Variants in MAP3K3 observed in about 807,000 individuals in gnomAD.
The protein encoded by MAP3K3 is MAP/ERK kinase kinase 3.
In MAP3K3, 12 loss-of-function variants were observed where a neutral mutation model predicts 80.9. The ratio of observed to expected loss-of-function variants is 0.15; its 90% confidence interval spans 0.10 to 0.24. The LOEUF (loss-of-function observed/expected upper bound fraction) is 0.24. MAP3K3 is among the 10% of genes least tolerant of loss of function. The probability of loss-of-function intolerance (pLI) is 1.00; values close to 1 mark genes in which losing one functional copy is unlikely to be tolerated. For synonymous variants in MAP3K3, 272 were observed against 307.1 expected, an observed-to-expected ratio of 0.89 and a Z score of 1.19; for missense variants, 596 against 834.7, an observed-to-expected ratio of 0.71 and a Z score of 3.52.
chr17:63,670,605 A>AAAAAAAAG (rs1568143244), intron 6 of MAP3K3, among the ~76,000 whole-genome samples: 1 of 133,822 alleles, frequency 7.5e-6, no homozygotes, highest in African/African-American at 2.9e-5. Context: ...AAAAAAAAAA[A>AAAAAAAAG]AAAGAAAGAA....
At chr17:63,635,141 C>A (rs951767104) in intron 2 of MAP3K3, among the ~76,000 whole-genome samples, 1 of 152,168 alleles carries the variant, frequency 6.6e-6, no homozygotes, top group African/African-American at 2.4e-5. Context: ...ATTTAGACAG[C>A]CACATGTGGC....
intron 8 of MAP3K3, among the ~76,000 whole-genome samples, chr17:63,687,582 T>A (rs1438889794): frequency 2.0e-5 from 3 of 150,624 alleles, no homozygotes; most frequent in Non-Finnish European, 4.4e-5. Flanking sequence ...CCCAGCTACT[T>A]GGGAGGCTGA....
chr17:63,656,635 G>C (rs898900667), intron 4 of MAP3K3, among the ~76,000 whole-genome samples: 1 of 152,016 alleles, frequency 6.6e-6, no homozygotes, highest in Non-Finnish European at 1.5e-5. Context: ...AATAAGATCT[G>C]ACATTTGCTA....
intron 5 of MAP3K3, 78 bp from the exon 6 acceptor site, chr17:63,666,862 T>G (rs1485133734): frequency 4.0e-5 from 63 of 1,558,252 alleles, no homozygotes; most frequent in Middle Eastern, 2.1e-4. Context: ...CAGGGAGTCC[T>G]TAGGAAAAGG....
At chr17:63,652,712 C>T in intron 4 of MAP3K3, 56 bp downstream of exon 4, 1 of 1,160,388 alleles carries the variant, frequency 8.6e-7, no homozygotes, top group Non-Finnish European at 1.3e-6. Context: ...TACCTTTTTT[C>T]TCTCTGTTTA....
rs2035615206 is a variant in MAP3K3, at chr17:63,692,587, G to A, written c.1652+168G>A. 6.6e-6 allele frequency among the ~76,000 whole-genome samples: 1 copy of A among 152,180 alleles called. No homozygotes were observed. The highest frequency in any genetic ancestry group is 1.5e-5 in the Non-Finnish European group (1 of 68,038). On this transcript the variant is annotated intron_variant, in intron 15 of 15. Coordinates refer to ENST00000361733, the MANE Select transcript of MAP3K3 (RefSeq NM_002401.5). The surrounding 1 kb of genome is among the most constrained non-coding windows in gnomAD (Gnocchi z 4.5). ...GGTGCAGTAGCACACACACCACATGGGTGGTGCTCAAAGCACACTCCATTA... is the reference window on the plus strand; with the variant it reads ...GGTGCAGTAGCACACACACCACATGAGTGGTGCTCAAAGCACACTCCATTA...
chr17:63,625,253 T>C (rs2034076497), intron 1 of MAP3K3, among the ~76,000 whole-genome samples: 1 of 152,192 alleles, frequency 6.6e-6, no homozygotes, highest in South Asian at 2.1e-4. Flanking sequence ...GAATTTCTAG[T>C]GGAAATTATT....
At position 63,694,007 on chromosome 17, in the gene MAP3K3, C is replaced by T. The variant is rs1456051871; in HGVS notation, c.*230C>T. The T allele has an allele frequency of 2.0e-6, 1 of 508,866 alleles. No homozygotes were observed. The highest frequency in any genetic ancestry group is 3.5e-6 in the Non-Finnish European group (1 of 288,848). The allele number at this position is 508,866 out of a possible 1,614,324, so 31.5% of individuals were successfully genotyped here. A position where few individuals can be genotyped will look rare whatever the true frequency, so the allele number is the denominator to read the frequency against. ...TGTCAGATCCAGGAGCTCCAGTGTCCTGAGCTCAGCGTGGAGGGGTAGGGG... is the reference window on the plus strand; with the variant it reads ...TGTCAGATCCAGGAGCTCCAGTGTCTTGAGCTCAGCGTGGAGGGGTAGGGG... On this transcript the variant is annotated 3_prime_UTR_variant, in exon 16 of 16. Coordinates refer to ENST00000361733, the MANE Select transcript of MAP3K3 (RefSeq NM_002401.5).
intron 3 of MAP3K3, among the ~76,000 whole-genome samples, chr17:63,648,823 A>G (rs2034592093): frequency 6.6e-6 from 1 of 152,144 alleles, no homozygotes; most frequent in Non-Finnish European, 1.5e-5. Context: ...ACACACACAC[A>G]GAAAAAAGAA....
rs1186559977 is a variant in MAP3K3, at chr17:63,688,759, A to G, written c.779-30A>G. 2.6e-6 allele frequency: 4 copies of G among 1,539,468 alleles called. No homozygotes were observed. The African/African-American group carries it at 5.4e-5, about 21-fold the overall frequency. The stretch of plus-strand genomic sequence containing the variant: ...TTAAGTGGCTCACATTGACCTACCC[A>G]GAAGCCAGTGATTCCCCTGTCTTAC... On this transcript the variant is annotated intron_variant, in intron 9 of 15. Transcript: ENST00000361733.
At chr17:63,665,402 T>A (rs1050483376) in intron 5 of MAP3K3, among the ~76,000 whole-genome samples, 1 of 152,046 alleles carries the variant, frequency 6.6e-6, no homozygotes, top group African/African-American at 2.4e-5. Context: ...CCTGACCTCA[T>A]GATCCGCCCG....
At chr17:63,646,004 C>A (rs115334804) in intron 2 of MAP3K3, 30 bp from the exon 3 acceptor site, 4 of 1,606,226 alleles carry the variant, frequency 2.5e-6, no homozygotes, top group Non-Finnish European at 3.4e-6. Context: ...CCAGAGAATT[C>A]TCTAACCTGT....
In MAP3K3 at chr17:63,659,790, C is replaced by T. The variant is rs532716172; in HGVS notation, c.381+1883C>T. Among the ~76,000 whole-genome samples, 29 of 152,122 alleles carry T rather than the reference C, an allele frequency of 1.9e-4. 1 individual carries two copies. In the South Asian group the frequency reaches 5.6e-3, roughly 30 times the overall value. On this transcript the variant is annotated intron_variant, in intron 5 of 15. Transcript: ENST00000361733. ...TTGTGATCCGCCCGCCTTGGCCTCCCAAAGTACTGGGACAGGCATGAGCCA... is the reference window on the plus strand; with the variant it reads ...TTGTGATCCGCCCGCCTTGGCCTCCTAAAGTACTGGGACAGGCATGAGCCA...
chr17:63,655,721 T>C (rs1277084001), intron 4 of MAP3K3, among the ~76,000 whole-genome samples: 1 of 152,088 alleles, frequency 6.6e-6, no homozygotes. Flanking sequence ...CTTAAACTCC[T>C]GGCCTCAAGT....
chr17:63,665,720 C>T (rs911546511), intron 5 of MAP3K3, among the ~76,000 whole-genome samples: 4 of 152,128 alleles, frequency 2.6e-5, no homozygotes, highest in East Asian at 1.9e-4. Context: ...TATTGCACAT[C>T]GGAGGCTTCA....
intron 4 of MAP3K3, among the ~76,000 whole-genome samples, chr17:63,653,984 A>G (rs2143360097): frequency 6.6e-6 from 1 of 152,146 alleles, no homozygotes; most frequent in East Asian, 1.9e-4. Context: ...CCCCCACCTC[A>G]GCCACCCAAG....
Position 63,692,314 on chromosome 17 carries a change from C to T in MAP3K3, c.1547C>T (p.Thr516Met), listed in dbSNP as rs1215446675. Residue 516 changes from threonine to methionine, a missense_variant, in exon 15 of 16, where the codon ACG becomes ATG. This residue lies in a region of MAP3K3 where 364 missense variants were observed against 588.9 expected (regional missense o/e 0.62). Coordinates refer to ENST00000361733, the MANE Select transcript of MAP3K3 (RefSeq NM_002401.5). The surrounding 1 kb of genome is among the most constrained non-coding windows in gnomAD (Gnocchi z 4.5). ...TTTGGGGCCAGCAAACGCCTGCAGA[C>T]GATCTGTATGTCGGGGACGGGCATG... ...GDFGASKRLQTICMSGTGMRS... is the reference protein window; with the variant it reads ...GDFGASKRLQMICMSGTGMRS... 5.6e-6 allele frequency: 9 copies of T among 1,613,836 alleles called. No homozygotes were observed. Among genetic ancestry groups the T allele is most frequent in the South Asian group, 1.1e-5 (1 of 91,086 alleles).
At chr17:63,653,766 TTTA>T (rs1229728241) in intron 4 of MAP3K3, among the ~76,000 whole-genome samples, 1 of 152,244 alleles carries the variant, frequency 6.6e-6, no homozygotes, top group Non-Finnish European at 1.5e-5. Flanking sequence ...TAATTATAGT[TTTA>T]TTGAGATTAA....
In MAP3K3 at chr17:63,657,354, G is replaced by C. The variant is rs565546259; in HGVS notation, c.268-440G>C. On this transcript the variant is annotated intron_variant, in intron 4 of 15. Coordinates refer to ENST00000361733, the MANE Select transcript of MAP3K3 (RefSeq NM_002401.5). ...AACTAAAAAACATTAAGTGAAAGAA[G>C]CTAGATGAAAAAGATTGAATCTTTA... 1.8e-4 allele frequency among the ~76,000 whole-genome samples: 28 copies of C among 152,226 alleles called. 1 individual carries two copies. The South Asian group carries it at 5.8e-3, about 32-fold the overall frequency.
Sources: gnomAD v4.1 joint callset for allele counts (sites outside exome capture counted in the v4.1 genomes callset) on GRCh38, gnomAD v4.1.1 for gene constraint, gnomAD v4.1.1 regional missense constraint, Gnocchi (gnomAD v3.1) non-coding constraint, MANE v1.5 for transcripts, NCBI Gene and HGNC (gene_info 2026-07-23, HGNC 2026-07-21) for gene names.